Variants in IST1 observed in about 807,000 individuals in gnomAD.
IST1 encodes IST1 factor associated with ESCRT-III, also known as IST1 homolog.
In IST1, 23 loss-of-function variants were observed where a neutral mutation model predicts 37.0. That is an observed-to-expected ratio of 0.62 (90% confidence interval 0.45 to 0.88). The LOEUF (loss-of-function observed/expected upper bound fraction) is 0.88, where lower values mean the gene tolerates loss of function less well. Ranked by LOEUF, IST1 falls within the 40% of genes least tolerant of loss-of-function variation. IST1 has a pLI of 0.00. For synonymous variants in IST1, 180 were observed against 161.7 expected (o/e 1.11, Z -0.86); for missense variants, 488 against 445.4 (o/e 1.10, Z -0.86).
chr16:71,914,955 C>A (rs1273079817), intron 1 of IST1, among the ~76,000 whole-genome samples: 1 of 152,100 alleles, frequency 6.6e-6, no homozygotes, highest in Non-Finnish European at 1.5e-5. Flanking sequence ...TACTGTAACT[C>A]TGCTATTCAG....
At position 71,922,698 on chromosome 16, in the gene IST1, T is replaced by C. The variant is rs571183688; in HGVS notation, c.759+18T>C. ...AGGGACCAGTAAGTATATATAAGTG[T>C]GGATGTAAGCTTTAGAAAATGTTAT... On this transcript the variant is annotated intron_variant, in intron 7 of 9. Transcript: ENST00000378799. 39 of 1,575,512 alleles carry C rather than the reference T, an allele frequency of 2.5e-5. No individual in the cohort carries two copies. In the East Asian group the frequency reaches 8.0e-4, roughly 32 times the overall value.
Position 71,921,051 on chromosome 16 carries a change from T to A in IST1, c.441+229T>A, listed in dbSNP as rs2037568740. 4 of 612,968 alleles carry A rather than the reference T, an allele frequency of 6.5e-6. No individual in the cohort carries two copies. In the South Asian group the frequency reaches 7.3e-5, roughly 11 times the overall value. The allele number at this position is 612,968 out of a possible 1,614,324, so 38.0% of individuals were successfully genotyped here. ...CCACTTCCCCACTTTGTATGCCTCG[T>A]GTCATTTGTGAAGGTTGGAAGTGAG... On this transcript the variant is annotated intron_variant, in intron 5 of 9. Transcript: ENST00000378799.
At chr16:71,912,536 C>G (rs778865956) in intron 1 of IST1, among the ~76,000 whole-genome samples, 1 of 152,138 alleles carries the variant, frequency 6.6e-6, no homozygotes, top group Non-Finnish European at 1.5e-5. Flanking sequence ...CGCGCCCGGC[C>G]TAAAATATTC....
chr16:71,920,078 TG>T (rs2037546400), intron 4 of IST1, among the ~76,000 whole-genome samples: 1 of 152,218 alleles, frequency 6.6e-6, no homozygotes, highest in South Asian at 2.1e-4. Flanking sequence ...CCTCACAGTC[TG>T]GGCTACACCC....
In IST1 at chr16:71,929,765, A is replaced by G. The variant is rs1014210009; in HGVS notation, c.*1952A>G. ...AAAAAAAGTACCAAAGATTTTTAAAAAATTAGTAAATGTAAAGATACTATT... is the reference window on the plus strand; with the variant it reads ...AAAAAAAGTACCAAAGATTTTTAAAGAATTAGTAAATGTAAAGATACTATT... On this transcript the variant is annotated 3_prime_UTR_variant, in exon 10 of 10. Coordinates refer to ENST00000378799, the MANE Select transcript of IST1 (RefSeq NM_001270975.2). The G allele has an allele frequency of 2.4e-6, 3 of 1,249,988 alleles. No individual in the cohort carries two copies. The highest frequency in any genetic ancestry group is 1.1e-6 in the Non-Finnish European group (1 of 914,552). The allele number at this position is 1,249,988 out of a possible 1,614,324, so 77.4% of individuals were successfully genotyped here.
rs111825671 is a variant in IST1 at position 71,901,691 on chromosome 16, T to C, written c.-16+6102T>C. On this transcript the variant is annotated intron_variant, in intron 1 of 9. Transcript: ENST00000378799. ...GAAAAATCCTCAGTACTTAACAAAA[T>C]AGTTTAGCAAATTGCTTTTCTTTCC... Among the ~76,000 whole-genome samples, 907 of 152,324 alleles carry C rather than the reference T, an allele frequency of 6.0e-3. 12 individuals are homozygous for C. The highest frequency in any genetic ancestry group is 0.021 in the African/African-American group (857 of 41,570).
chr16:71,904,817 G>T (rs1027559568), intron 1 of IST1, among the ~76,000 whole-genome samples: 1 of 152,040 alleles, frequency 6.6e-6, no homozygotes, highest in Non-Finnish European at 1.5e-5. Context: ...GTATATAGTG[G>T]ATCATTTTTT....
chr16:71,918,293 G>A (rs760294706), intron 4 of IST1, among the ~76,000 whole-genome samples: 6 of 132,142 alleles, frequency 4.5e-5, no homozygotes, highest in Non-Finnish European at 3.3e-5. Flanking sequence ...GTGTAGACTC[G>A]AGTCGCTTTA....
In IST1 at chr16:71,930,203, A is replaced by G; in HGVS notation, c.*2390A>G. On this transcript the variant is annotated 3_prime_UTR_variant, in exon 10 of 10. Transcript: ENST00000378799. ...GAAAACCTGGGAAAACAATAAGAAC[A>G]CTTGCAGTGACTGACAATTTAGTTT... 1 of 1,524,844 alleles carries G rather than the reference A, an allele frequency of 6.6e-7. No individual in the cohort carries two copies. The highest frequency in any genetic ancestry group is 8.8e-7 in the Non-Finnish European group (1 of 1,134,648). 94.5% of individuals were successfully genotyped at this position (1,524,844 alleles called of 1,614,324 possible). A position where few individuals can be genotyped will look rare whatever the true frequency, so the allele number is the denominator to read the frequency against.
intron 9 of IST1, among the ~76,000 whole-genome samples, chr16:71,926,510 A>AT (rs940456679): frequency 6.0e-5 from 9 of 150,624 alleles, no homozygotes; most frequent in East Asian, 2.0e-4. Context: ...CGCCTGGCTA[A>AT]TTTTTTTTTG....
intron 1 of IST1, among the ~76,000 whole-genome samples, chr16:71,914,799 G>A (rs1437743457): frequency 1.3e-5 from 2 of 152,114 alleles, no homozygotes; most frequent in Non-Finnish European, 2.9e-5. Context: ...CCTATCTTTT[G>A]TTTGGATATT....
At chr16:71,904,769 C>T (rs1351595021) in intron 1 of IST1, among the ~76,000 whole-genome samples, 2 of 152,122 alleles carry the variant, frequency 1.3e-5, no homozygotes, top group Admixed American at 1.3e-4. Context: ...TTTTAAACTA[C>T]CTACATTATT....
At chr16:71,924,676 G>A in intron 8 of IST1, 93 bp from the exon 9 acceptor site, 1 of 931,026 alleles carries the variant, frequency 1.1e-6, no homozygotes, top group South Asian at 1.3e-5. Context: ...CATTTGGTGA[G>A]CAACTTAACT....
At chr16:71,910,687 G>T (rs558802292) in intron 1 of IST1, among the ~76,000 whole-genome samples, 7 of 152,238 alleles carry the variant, frequency 4.6e-5, no homozygotes, top group African/African-American at 1.7e-4. Context: ...ATCCACTAGG[G>T]TCTTGAAACG....
chr16:71,908,686 C>T (rs1266266954), intron 1 of IST1, among the ~76,000 whole-genome samples: 1 of 152,164 alleles, frequency 6.6e-6, no homozygotes, highest in Non-Finnish European at 1.5e-5. Flanking sequence ...GTATCACCCA[C>T]TTTCTGTCTA....
chr16:71,904,438 G>A (rs139868637), intron 1 of IST1, among the ~76,000 whole-genome samples: 242 of 152,292 alleles, frequency 1.6e-3, no homozygotes, highest in African/African-American at 5.7e-3. Flanking sequence ...TTTGAGACAG[G>A]ATCTTGCTCT....
At position 71,921,441 on chromosome 16, in the gene IST1, C is replaced by G. The variant is rs762613804; in HGVS notation, c.540C>G (p.Asp180Glu). 5 of 1,600,242 alleles carry G rather than the reference C, an allele frequency of 3.1e-6. No individual in the cohort carries two copies. Among genetic ancestry groups the G allele is most frequent in the Non-Finnish European group, 3.4e-6 (4 of 1,167,366 alleles). ...ATTACAACGTACCCTATGAACCTGA[C>G]TCTGTGGTCATGGTAAGTTTATCCC... is the stretch of plus-strand genomic sequence containing the variant. The part of the protein sequence containing the change: ...AKNYNVPYEP[D>E]SVVMAEAPPG... Residue 180 changes from aspartate (D) to glutamate (E), a missense_variant, in exon 6 of 10, where the codon GAC becomes GAG. Physicochemically the swap from Asp to Glu is conservative, Grantham distance 45. This residue lies in a region of IST1 where 455 missense variants were observed against 386.2 expected (regional missense o/e 1.18). Coordinates refer to ENST00000378799, the MANE Select transcript of IST1 (RefSeq NM_001270975.2).
chr16:71,913,328 T>C (rs1197820317), intron 1 of IST1, among the ~76,000 whole-genome samples: 1 of 152,224 alleles, frequency 6.6e-6, no homozygotes, highest in African/African-American at 2.4e-5. Flanking sequence ...TGGTATCTCA[T>C]TGTGATTTCA....
chr16:71,921,711 C>CAGG (rs983673498), intron 6 of IST1: 3 of 382,436 alleles, frequency 7.8e-6, no homozygotes, highest in African/African-American at 6.1e-5. Flanking sequence ...TGGTGAACTT[C>CAGG]AGGAATTGAG....
Sources: allele counts gnomAD v4.1 joint callset (sites outside exome capture counted in the v4.1 genomes callset), GRCh38; gene constraint gnomAD v4.1.1; regional missense constraint gnomAD v4.1.1; transcripts MANE v1.5; gene names NCBI Gene and HGNC (gene_info 2026-07-23, HGNC 2026-07-21).